SYNPO2: variants seen among roughly 807,000 people sequenced by gnomAD.
SYNPO2 encodes the protein synaptopodin 2.
Under a neutral mutation model 85.0 loss-of-function variants are expected in SYNPO2, and 56 were observed. The observed-to-expected ratio is 0.66, with a 90% CI of 0.53 to 0.82. The LOEUF is 0.82. SYNPO2 is among the 40% of genes least tolerant of loss of function. SYNPO2 has a pLI of 0.00. For synonymous variants in SYNPO2, 602 were observed against 591.1 expected (o/e 1.02, Z -0.27); for missense variants, 1,575 against 1,534.2 (o/e 1.03, Z -0.44).
chr4:119,012,706 G>A (rs550631392), intron 1 of SYNPO2, among the ~76,000 whole-genome samples: 22 of 152,106 alleles, frequency 1.4e-4, no homozygotes, highest in South Asian at 4.2e-4. Flanking sequence ...CTTCATCCAC[G>A]TCCCTTCAAA....
At chr4:118,923,661 A>G (rs963643183) in intron 1 of SYNPO2, among the ~76,000 whole-genome samples, 5 of 152,204 alleles carry the variant, frequency 3.3e-5, no homozygotes, top group African/African-American at 1.2e-4. Context: ...AATACAAACA[A>G]GATATTAGCT....
intron 4 of SYNPO2, among the ~76,000 whole-genome samples, chr4:119,047,325 C>T (rs1364746497): frequency 6.6e-6 from 1 of 152,232 alleles, no homozygotes; most frequent in Non-Finnish European, 1.5e-5. Flanking sequence ...TCCCAAAGTG[C>T]TGGGATTACA....
intron 1 of SYNPO2, among the ~76,000 whole-genome samples, chr4:118,973,957 T>C (rs1224173105): frequency 6.6e-6 from 1 of 152,226 alleles, no homozygotes; most frequent in African/African-American, 2.4e-5. Context: ...TTCTTCTTTC[T>C]TCACAAAAGC....
chr4:118,924,650 C>T (rs1165963474), intron 1 of SYNPO2, among the ~76,000 whole-genome samples: 1 of 152,170 alleles, frequency 6.6e-6, no homozygotes, highest in South Asian at 2.1e-4. Flanking sequence ...ATATGGCACA[C>T]TTCCTATGTG....
Position 118,888,944 on chromosome 4 carries a change from G to T in SYNPO2, c.-93G>T. 2 of 1,309,858 alleles carry T rather than the reference G, an allele frequency of 1.5e-6. No homozygotes were observed. The highest frequency in any genetic ancestry group is 1.8e-5 in the Admixed American group (1 of 56,132). 81.1% of individuals were successfully genotyped at this position (1,309,858 alleles called of 1,614,324 possible). ...CTGCATTACCCAGTCTTGCGTCCTC[G>T]GCAGGCGCCCGAAGCTGAGTGCGCA... On this transcript the variant is annotated 5_prime_UTR_variant, in exon 1 of 5. Transcript: ENST00000307142.
intron 1 of SYNPO2, among the ~76,000 whole-genome samples, chr4:118,899,525 A>G (rs1732650947): frequency 6.6e-6 from 1 of 152,208 alleles, no homozygotes; most frequent in African/African-American, 2.4e-5. Flanking sequence ...CTTGAGTTTA[A>G]AGACTGTCAA....
intron 1 of SYNPO2, among the ~76,000 whole-genome samples, chr4:118,946,580 C>A (rs187102756): frequency 5.9e-5 from 9 of 152,194 alleles, no homozygotes; most frequent in Admixed American, 5.9e-4. Flanking sequence ...ACACATCGTT[C>A]GCTCGTTCTC....
chr4:119,035,835 A>C (rs915847114), intron 4 of SYNPO2: 2 of 984,226 alleles, frequency 2.0e-6, no homozygotes, highest in Non-Finnish European at 2.4e-6. Flanking sequence ...AAAAAAAAAA[A>C]CACCTGATCT....
Position 118,855,097 on chromosome 4 carries a change from T to A in SYNPO2, c.12+4157T>A, listed in dbSNP as rs1055890751. ...ATGACAACAATATTTGCAAACAGGA[T>A]GACGTTCCAATTTATTTTTACTAAA... is the stretch of plus-strand genomic sequence containing the variant. On this transcript the variant is annotated intron_variant, in intron 1 of 4. Coordinates refer to the SYNPO2 transcript ENST00000610556. Among the ~76,000 whole-genome samples, 3 of 150,356 alleles carry A rather than the reference T, an allele frequency of 2.0e-5. No homozygotes were observed. The Admixed American group carries it at 2.0e-4, about 10-fold the overall frequency.
chr4:118,878,974 G>T (rs780386593), intron 1 of SYNPO2, among the ~76,000 whole-genome samples: 1 of 152,132 alleles, frequency 6.6e-6, no homozygotes, highest in African/African-American at 2.4e-5. Context: ...CACTCACTGC[G>T]AAGGTCTGTG....
intron 1 of SYNPO2, among the ~76,000 whole-genome samples, chr4:118,908,188 G>A (rs888223864): frequency 6.6e-6 from 1 of 152,016 alleles, no homozygotes; most frequent in Non-Finnish European, 1.5e-5. Flanking sequence ...TATGATAAAT[G>A]ATGGCTTTCT....
rs185836990 is a variant in SYNPO2 at position 118,992,482 on chromosome 4, A to G, written c.106-30948A>G. Among the ~76,000 whole-genome samples, 3 of 152,274 alleles carry G rather than the reference A, an allele frequency of 2.0e-5. No homozygotes were observed. The East Asian group carries it at 5.8e-4, about 29-fold the overall frequency. On this transcript the variant is annotated intron_variant, in intron 1 of 4. Transcript: ENST00000307142. ...GAGCCATCACAGTGATGGTGCCATCACTTGTCAGGTAGCCTCTGGAAAGCT... is the reference window on the plus strand; with the variant it reads ...GAGCCATCACAGTGATGGTGCCATCGCTTGTCAGGTAGCCTCTGGAAAGCT...
chr4:118,858,068 T>C (rs922818065), intron 1 of SYNPO2, among the ~76,000 whole-genome samples: 4 of 152,198 alleles, frequency 2.6e-5, no homozygotes, highest in Non-Finnish European at 5.9e-5. Flanking sequence ...TTTATATTCC[T>C]TTCTTCCCTG....
At chr4:119,041,815 A>C (rs1472393933) in intron 4 of SYNPO2, among the ~76,000 whole-genome samples, 1 of 152,190 alleles carries the variant, frequency 6.6e-6, no homozygotes, top group African/African-American at 2.4e-5. Context: ...TGTAAAATTA[A>C]GATTTCCCCA....
chr4:118,995,906 C>CTATCTATCTATG (rs1553944816), intron 1 of SYNPO2, among the ~76,000 whole-genome samples: 23 of 145,126 alleles, frequency 1.6e-4, no homozygotes, highest in African/African-American at 4.9e-4. Flanking sequence ...ATCTATCTAT[C>CTATCTATCTATG]ATCTATCTAA....
intron 1 of SYNPO2, among the ~76,000 whole-genome samples, chr4:119,002,842 C>T (rs1324175673): frequency 1.3e-5 from 1 of 78,348 alleles, no homozygotes; most frequent in Non-Finnish European, 2.8e-5. Context: ...GATAATTTAT[C>T]TGGGTATAGC....
chr4:119,023,403 T>G (rs1447550821), intron 1 of SYNPO2, 27 bp from the exon 2 acceptor site: 1 of 1,586,510 alleles, frequency 6.3e-7, no homozygotes, highest in South Asian at 1.1e-5. Context: ...ATCATTCTAC[T>G]ATGTCTTCTT....
In SYNPO2 at chr4:119,057,653, C is replaced by A; in HGVS notation, c.3505C>A (p.Leu1169Ile). 1.9e-6 allele frequency: 3 copies of A among 1,614,144 alleles called. No homozygotes were observed. Among genetic ancestry groups the A allele is most frequent in the Non-Finnish European group, 2.5e-6 (3 of 1,180,024 alleles). Residue 1169 changes from leucine to isoleucine, a missense_variant, in exon 5 of 5, where the codon CTT becomes ATT. Transcript: ENST00000307142. ...GGTTTCAGCAGCTCGGAGGAAGGTGCTTCCAGGGCCTCCAGAGGATTGGAA... is the reference window on the plus strand; with the variant it reads ...GGTTTCAGCAGCTCGGAGGAAGGTGATTCCAGGGCCTCCAGAGGATTGGAA... The part of the protein sequence containing the change: ...NVVSAARRKV[L>I]PGPPEDWNER...
chr4:119,013,268 A>G (rs530525826), intron 1 of SYNPO2, among the ~76,000 whole-genome samples: 1 of 152,332 alleles, frequency 6.6e-6, no homozygotes, highest in East Asian at 1.9e-4. Flanking sequence ...CCAGTTTTAC[A>G]TAAGGATATC....
Sources: gnomAD v4.1 joint callset for allele counts (sites outside exome capture counted in the v4.1 genomes callset) on GRCh38, gnomAD v4.1.1 for gene constraint, MANE v1.5 for transcripts, NCBI Gene and HGNC (gene_info 2026-07-23, HGNC 2026-07-21) for gene names.